The following SETD3 variants were observed in gnomAD, a reference collection of about 807,000 sequenced individuals.
SETD3 encodes the protein actin-histidine N-methyltransferase.
SETD3 carries 19 observed loss-of-function variants against 63.0 expected under a neutral mutation model. The observed-to-expected ratio is 0.30, with a 90% CI of 0.21 to 0.44. The LOEUF is 0.44. Ranked by LOEUF, SETD3 falls within the 20% of genes least tolerant of loss-of-function variation. SETD3 has a pLI of 1.00. For synonymous variants in SETD3, 286 were observed against 264.1 expected, an observed-to-expected ratio of 1.08 and a Z score of -0.80; for missense variants, 587 against 728.5, an observed-to-expected ratio of 0.81 and a Z score of 2.24.
intron 6 of SETD3, among the ~76,000 whole-genome samples, chr14:99,430,852 C>T (rs998640864): frequency 6.6e-6 from 1 of 152,212 alleles, no homozygotes; most frequent in African/African-American, 2.4e-5. Flanking sequence ...TCACCTGGGT[C>T]CAGCGGACTG....
chr14:99,458,584 A>G, intron 5 of SETD3, 49 bp from the exon 6 acceptor site: 1 of 1,571,024 alleles, frequency 6.4e-7, no homozygotes, highest in South Asian at 1.2e-5. Flanking sequence ...ACTTCTTAAA[A>G]ACTTCATTTA....
intron 6 of SETD3, among the ~76,000 whole-genome samples, chr14:99,436,223 T>C (rs1251629338): frequency 6.6e-6 from 1 of 152,106 alleles, no homozygotes; most frequent in Non-Finnish European, 1.5e-5. Flanking sequence ...CAAGATGAGA[T>C]GGGTGGAAAC....
chr14:99,472,915 T>TCATTCAGAGGATTATACAGAATTATAC (rs1895782033), intron 1 of SETD3, among the ~76,000 whole-genome samples: 1 of 152,188 alleles, frequency 6.6e-6, no homozygotes, highest in Non-Finnish European at 1.5e-5. Context: ...TATACAATTA[T>TCATTCAGAGGATTATACAGAATTATAC]AGTTAGTCAT....
At chr14:99,427,879 G>A (rs983387565) in intron 6 of SETD3, among the ~76,000 whole-genome samples, 1 of 152,186 alleles carries the variant, frequency 6.6e-6, no homozygotes, top group African/African-American at 2.4e-5. Context: ...AGGGGGATCT[G>A]GCAATGACTC....
At chr14:99,413,716 T>C (rs183753696) in intron 7 of SETD3, among the ~76,000 whole-genome samples, 160 bp downstream of exon 7, 18 of 152,352 alleles carry the variant, frequency 1.2e-4, no homozygotes, top group African/African-American at 4.1e-4. Flanking sequence ...CTGATACTTA[T>C]CCAAGCTGCT....
chr14:99,484,649 A>C (rs1315623439), upstream of SETD3, among the ~76,000 whole-genome samples: 1 of 152,234 alleles, frequency 6.6e-6, no homozygotes, highest in Non-Finnish European at 1.5e-5. Flanking sequence ...CTAGGGGATG[A>C]ACAGGACAGA....
chr14:99,464,372 A>G (rs1437825390), intron 2 of SETD3, among the ~76,000 whole-genome samples: 1 of 152,230 alleles, frequency 6.6e-6, no homozygotes, highest in East Asian at 1.9e-4. Flanking sequence ...ATAACTAACA[A>G]TAACTAGACA....
intron 1 of SETD3, among the ~76,000 whole-genome samples, chr14:99,477,628 C>A (rs372235456): frequency 1.3e-5 from 2 of 151,808 alleles, no homozygotes; most frequent in South Asian, 2.1e-4. Flanking sequence ...GTGGCGCATG[C>A]CTGTAATCCC....
intron 6 of SETD3, among the ~76,000 whole-genome samples, chr14:99,427,845 G>A (rs1892967634): frequency 6.6e-6 from 1 of 152,198 alleles, no homozygotes; most frequent in Non-Finnish European, 1.5e-5. Flanking sequence ...ATTCAGAAAA[G>A]AAGCTGCAGT....
intron 4 of SETD3, 91 bp from the exon 5 acceptor site, chr14:99,459,276 G>T (rs1894938682): frequency 3.6e-6 from 3 of 835,728 alleles, no homozygotes; most frequent in Non-Finnish European, 5.9e-6. Context: ...AATCACACAT[G>T]AAGTACAACT....
intron 6 of SETD3, among the ~76,000 whole-genome samples, chr14:99,415,263 A>G (rs552234395): frequency 6.6e-6 from 1 of 152,222 alleles, no homozygotes; most frequent in Non-Finnish European, 1.5e-5. Flanking sequence ...CTGTAGAATT[A>G]AACTGTAGAA....
Position 99,458,630 on chromosome 14 carries a change from T to C in SETD3, c.419-95A>G, listed in dbSNP as rs1208533478. 6.3e-6 allele frequency: 9 copies of C among 1,431,690 alleles called. No homozygotes were observed. The East Asian group carries it at 1.5e-4, about 24-fold the overall frequency. The allele number at this position is 1,431,690 out of a possible 1,614,324, so 88.7% of individuals were successfully genotyped here. A position where few individuals can be genotyped will look rare whatever the true frequency, so the allele number is the denominator to read the frequency against. ...TACAAATTACAGAAAAACTAAAAGG[T>C]CTTGTAACATTTAAAGTCAGGTACA... On this transcript the variant is annotated intron_variant, in intron 5 of 12. Transcript: ENST00000331768.
intron 6 of SETD3, among the ~76,000 whole-genome samples, chr14:99,433,628 AG>A (rs1427685184): frequency 2.0e-5 from 3 of 152,082 alleles, no homozygotes; most frequent in Non-Finnish European, 2.9e-5. Context: ...CAGTAGAGAC[AG>A]GGTTTTACCA....
chr14:99,485,822 A>G (rs1341363434), upstream of SETD3, among the ~76,000 whole-genome samples: 1 of 152,166 alleles, frequency 6.6e-6, no homozygotes, highest in African/African-American at 2.4e-5. Flanking sequence ...ACTGCATTCC[A>G]GCCTGGATGA....
chr14:99,399,024 C>A lies in SETD3; in HGVS notation c.1440G>T (p.Lys480Asn). 1 of 1,614,194 alleles carries A rather than the reference C, an allele frequency of 6.2e-7. No homozygotes were observed. The highest frequency in any genetic ancestry group is 8.5e-7 in the Non-Finnish European group (1 of 1,180,034). ...AGTATTCCCGGTTGACAGCTGCACTCTTTACTGCTTTTTCCAAAATCTCTT... is the reference window on the plus strand; with the variant it reads ...AGTATTCCCGGTTGACAGCTGCACTATTTACTGCTTTTTCCAAAATCTCTT... ...GEKEILEKAVKSAAVNREYYR... is the reference protein window; with the variant it reads ...GEKEILEKAVNSAAVNREYYR... The change falls in exon 13 of 13, where the codon AAG (lysine) becomes AAT (asparagine). Residue 480 changes from lysine to asparagine, a missense_variant. Transcript: ENST00000331768.
intron 1 of SETD3, among the ~76,000 whole-genome samples, chr14:99,472,540 T>C (rs1279211586): frequency 6.6e-6 from 1 of 152,236 alleles, no homozygotes; most frequent in Non-Finnish European, 1.5e-5. Context: ...ATAGGTATTC[T>C]GAACATACTT....
chr14:99,398,674 T>C lies in SETD3; in HGVS notation c.*5A>G. On this transcript the variant is annotated 3_prime_UTR_variant, in exon 13 of 13. Transcript: ENST00000331768. ...ACTGGATCCCCCATCCAGCTTCACCTCGAGCTACTCCTTAACTCCAGCAGT... is the reference window on the plus strand; with the variant it reads ...ACTGGATCCCCCATCCAGCTTCACCCCGAGCTACTCCTTAACTCCAGCAGT... 3.1e-6 allele frequency: 5 copies of C among 1,610,644 alleles called. No individual in the cohort carries two copies. The highest frequency in any genetic ancestry group is 4.2e-6 in the Non-Finnish European group (5 of 1,177,272).
At chr14:99,403,282 C>T (rs1431070979) in intron 11 of SETD3, among the ~76,000 whole-genome samples, 3 of 152,308 alleles carry the variant, frequency 2.0e-5, no homozygotes, top group Non-Finnish European at 4.4e-5. Context: ...CCCACATGGG[C>T]CATGACTGCT....
At chr14:99,446,003 A>G (rs941881484) in intron 6 of SETD3, among the ~76,000 whole-genome samples, 1 of 152,208 alleles carries the variant, frequency 6.6e-6, no homozygotes, top group African/African-American at 2.4e-5. Context: ...TGGGGAGAGA[A>G]GGAATCACAG....
Sources: allele counts gnomAD v4.1 joint callset (sites outside exome capture counted in the v4.1 genomes callset), GRCh38; gene constraint gnomAD v4.1.1; transcripts MANE v1.5; gene names NCBI Gene and HGNC (gene_info 2026-07-23, HGNC 2026-07-21).